Variants in RBM19 observed in about 807,000 individuals in gnomAD.
The protein encoded by RBM19 is probable RNA-binding protein 19.
In RBM19, 94 loss-of-function variants were observed where a neutral mutation model predicts 116.8. That is an observed-to-expected ratio of 0.80 (90% confidence interval 0.68 to 0.95). The LOEUF is 0.95. Among genes scored for constraint, RBM19 ranks in the 40% least tolerant of loss-of-function variants. RBM19 has a pLI of 0.00. For synonymous variants in RBM19, 475 were observed against 494.1 expected, an observed-to-expected ratio of 0.96 and a Z score of 0.51; for missense variants, 1,161 against 1,220.7, an observed-to-expected ratio of 0.95 and a Z score of 0.73.
At chr12:113,914,257 CAG>C (rs1882630732) in intron 21 of RBM19, among the ~76,000 whole-genome samples, 1 of 152,248 alleles carries the variant, frequency 6.6e-6, no homozygotes, top group South Asian at 2.1e-4. Flanking sequence ...GCTGGATGAC[CAG>C]AGAGAGGCCC....
intron 10 of RBM19, among the ~76,000 whole-genome samples, 182 bp from the exon 11 acceptor site, chr12:113,947,646 C>T (rs1195253128): frequency 6.6e-6 from 1 of 152,218 alleles, no homozygotes; most frequent in Non-Finnish European, 1.5e-5. Flanking sequence ...CCACCTATTA[C>T]ACATGAAGCT....
chr12:113,819,807 G>GC (rs1407208214), downstream of RBM19, among the ~76,000 whole-genome samples: 1 of 152,174 alleles, frequency 6.6e-6, no homozygotes, highest in Non-Finnish European at 1.5e-5. Context: ...AAGAGATGAA[G>GC]CCCCTCCTCT....
At chr12:113,940,637 C>CA (rs1870493842) in intron 14 of RBM19, among the ~76,000 whole-genome samples, 1 of 152,234 alleles carries the variant, frequency 6.6e-6, no homozygotes, top group African/African-American at 2.4e-5. Flanking sequence ...ATGAGTGCTG[C>CA]AGGCTTTCCC....
chr12:113,915,651 T>C (rs748734532), intron 20 of RBM19, among the ~76,000 whole-genome samples: 3 of 152,172 alleles, frequency 2.0e-5, no homozygotes, highest in Non-Finnish European at 4.4e-5. Context: ...GGCTGGGAGT[T>C]AACAAGCTGG....
chr12:113,825,505 C>T lies in RBM19; in HGVS notation c.2786-2184G>A, dbSNP rs1022096097. Among the ~76,000 whole-genome samples, 6 of 152,170 alleles carry T rather than the reference C, an allele frequency of 3.9e-5. No individual in the cohort carries two copies. Among genetic ancestry groups the T allele is most frequent in the East Asian group, 1.9e-4 (1 of 5,182 alleles). On this transcript the variant is annotated intron_variant, in intron 23 of 23. Transcript: ENST00000261741. The surrounding 1 kb of genome is among the most constrained non-coding windows in gnomAD (Gnocchi z 5.7). ...AGGTAATAGGAACTGGAAAATAGAACGCAACAAAACAGGGCCCACAGGCGA... is the reference window on the plus strand; with the variant it reads ...AGGTAATAGGAACTGGAAAATAGAATGCAACAAAACAGGGCCCACAGGCGA...
At chr12:113,876,318 A>G (rs1276419239) in intron 21 of RBM19, among the ~76,000 whole-genome samples, 1 of 152,010 alleles carries the variant, frequency 6.6e-6, no homozygotes, top group Non-Finnish European at 1.5e-5. Context: ...ATGAGTGTGA[A>G]CCTGGGAGTC....
intron 22 of RBM19, among the ~76,000 whole-genome samples, chr12:113,847,486 C>T (rs775936495): frequency 4.6e-5 from 7 of 151,788 alleles, no homozygotes; most frequent in Non-Finnish European, 1.0e-4. Flanking sequence ...TCTCAGCTGG[C>T]GAGGCAGAGA....
intron 21 of RBM19, among the ~76,000 whole-genome samples, chr12:113,896,308 C>T (rs1881319941): frequency 6.6e-6 from 1 of 152,168 alleles, no homozygotes; most frequent in South Asian, 2.1e-4. Context: ...GAAAACCAGG[C>T]AAATTCTCCG....
At chr12:113,827,939 T>C (rs1469985052) in intron 23 of RBM19, among the ~76,000 whole-genome samples, 1 of 151,826 alleles carries the variant, frequency 6.6e-6, no homozygotes, top group East Asian at 1.9e-4. Context: ...TGAATATATG[T>C]ATGTAAGGCC....
At chr12:113,882,743 C>T (rs1880237818) in intron 21 of RBM19, among the ~76,000 whole-genome samples, 1 of 152,182 alleles carries the variant, frequency 6.6e-6, no homozygotes, top group South Asian at 2.1e-4. Context: ...TCCCCAGCCA[C>T]CCAAAATCTA....
In RBM19 at chr12:113,869,421, A is replaced by C. The variant is rs1879060436; in HGVS notation, c.2559-10525T>G. 5.3e-5 allele frequency among the ~76,000 whole-genome samples: 8 copies of C among 152,322 alleles called. No homozygotes were observed. In the South Asian group the frequency reaches 1.7e-3, roughly 32 times the overall value. Reference sequence around the variant, plus strand: ...TGCATGCTCCTCCTCTCAGGAGAGGATGGAGGCACGATTTCTGGCCTGGGG... The same window carrying C: ...TGCATGCTCCTCCTCTCAGGAGAGGCTGGAGGCACGATTTCTGGCCTGGGG... On this transcript the variant is annotated intron_variant, in intron 21 of 23. Coordinates refer to ENST00000261741, the MANE Select transcript of RBM19 (RefSeq NM_016196.4).
chr12:113,946,344 C>T lies in RBM19; in HGVS notation c.1529+10G>A, dbSNP rs749231009. On this transcript the variant is annotated intron_variant, in intron 12 of 23. Transcript: ENST00000261741. Reference sequence around the variant, plus strand: ...GGTTGGAGCTCAGTGGTTTCAGGGGCACTGAGGACCTGGCACTGTTGGCTT... The same window carrying T: ...GGTTGGAGCTCAGTGGTTTCAGGGGTACTGAGGACCTGGCACTGTTGGCTT... 9.9e-6 allele frequency: 16 copies of T among 1,613,954 alleles called. No individual in the cohort carries two copies. The African/African-American group carries it at 2.0e-4, about 20-fold the overall frequency.
chr12:113,841,614 G>A (rs556335942), intron 23 of RBM19, among the ~76,000 whole-genome samples: 3 of 151,820 alleles, frequency 2.0e-5, no homozygotes, highest in Admixed American at 6.6e-5. Flanking sequence ...TAGTAGAGAC[G>A]GGGTTTCACC....
At chr12:113,937,907 C>CATG (rs1043809834) in intron 15 of RBM19, among the ~76,000 whole-genome samples, 1 of 152,118 alleles carries the variant, frequency 6.6e-6, no homozygotes, top group African/African-American at 2.4e-5. Context: ...TGAATCTTTT[C>CATG]AAATTTCCTA....
chr12:113,959,414 C>G lies in RBM19; in HGVS notation c.379-10G>C, dbSNP rs756590536. 6.3e-7 allele frequency: 1 copy of G among 1,595,514 alleles called. No individual in the cohort carries two copies. The highest frequency in any genetic ancestry group is 8.6e-7 in the Non-Finnish European group (1 of 1,164,758). On this transcript the variant is annotated splice_polypyrimidine_tract_variant and intron_variant, in intron 4 of 23. Coordinates refer to ENST00000261741, the MANE Select transcript of RBM19 (RefSeq NM_016196.4). ...CTGTATCCTCCTTCAGCTGGTGGCA[C>G]CAGAACCCGGGCGGCAGGGACACGG...
intron 15 of RBM19, 64 bp downstream of exon 15, chr12:113,939,896 T>C: frequency 6.4e-7 from 1 of 1,553,160 alleles, no homozygotes; most frequent in Non-Finnish European, 8.8e-7. Flanking sequence ...CACTGCACCC[T>C]CTCCCTTGAA....
rs954619309 is a variant in RBM19 at position 113,939,956 on chromosome 12, CT to C, written c.1938+3del. 4 of 1,613,438 alleles carry C rather than the reference CT, an allele frequency of 2.5e-6. No individual in the cohort carries two copies. The highest frequency in any genetic ancestry group is 3.4e-6 in the Non-Finnish European group (4 of 1,179,760). ...GATCAATTCTGGGTCTCCAGCAGCC[CT>C]ACCTTGGAATAGGCCAGATGCCTGA... is the stretch of plus-strand genomic sequence containing the variant. On this transcript the variant is annotated splice_donor_region_variant and intron_variant, in intron 15 of 23. Coordinates refer to ENST00000261741, the MANE Select transcript of RBM19 (RefSeq NM_016196.4).
chr12:113,870,642 G>A (rs902622170), intron 21 of RBM19, among the ~76,000 whole-genome samples: 1 of 152,174 alleles, frequency 6.6e-6, no homozygotes, highest in African/African-American at 2.4e-5. Context: ...GTCCACTGAG[G>A]TTGCAGGGTT....
At chr12:113,859,765 G>A (rs181285797) in intron 21 of RBM19, among the ~76,000 whole-genome samples, 3 of 152,196 alleles carry the variant, frequency 2.0e-5, no homozygotes, top group East Asian at 1.9e-4. Flanking sequence ...AATTGCTACC[G>A]ATAAATATTT....
Sources: gnomAD v4.1 joint callset for allele counts (sites outside exome capture counted in the v4.1 genomes callset) on GRCh38, gnomAD v4.1.1 for gene constraint, Gnocchi (gnomAD v3.1) non-coding constraint, MANE v1.5 for transcripts, NCBI Gene and HGNC (gene_info 2026-07-23, HGNC 2026-07-21) for gene names.